IQCM: variants seen among roughly 807,000 people sequenced by gnomAD.
IQCM encodes IQ domain-containing protein M.
Under a neutral mutation model 57.6 loss-of-function variants are expected in IQCM, and 45 were observed. The ratio of observed to expected loss-of-function variants is 0.78; its 90% CI spans 0.62 to 1.00. The LOEUF (loss-of-function observed/expected upper bound fraction) is 1.00. Among genes scored for constraint, IQCM ranks in the 50% least tolerant of loss-of-function variants. The pLI is 0.00. For synonymous variants in IQCM, 148 were observed against 158.9 expected (o/e 0.93, Z 0.51); for missense variants, 468 against 511.6 (o/e 0.91, Z 0.82).
chr4:149,654,384 C>A (rs1462660990), intron 7 of IQCM, among the ~76,000 whole-genome samples: 1 of 152,044 alleles, frequency 6.6e-6, no homozygotes, highest in Non-Finnish European at 1.5e-5. Flanking sequence ...TGAGTGGGTT[C>A]TTGGTAGATG....
chr4:149,353,174 A>G (rs1728693886), intron 13 of IQCM, among the ~76,000 whole-genome samples: 1 of 152,218 alleles, frequency 6.6e-6, no homozygotes, highest in Admixed American at 6.5e-5. Flanking sequence ...GACAACAGGT[A>G]TATGAAAATG....
intron 12 of IQCM, among the ~76,000 whole-genome samples, chr4:149,447,832 A>G (rs547999188): frequency 7.1e-4 from 108 of 151,810 alleles, no homozygotes; most frequent in Non-Finnish European, 1.3e-3. Flanking sequence ...CAGATAAATC[A>G]TAATCAAACT....
intron 8 of IQCM, among the ~76,000 whole-genome samples, chr4:149,617,766 A>G (rs2150066870): frequency 6.6e-6 from 1 of 152,306 alleles, no homozygotes; most frequent in Non-Finnish European, 1.5e-5. Context: ...TAATAGCTAC[A>G]GAAAAAAAAA....
intron 12 of IQCM, among the ~76,000 whole-genome samples, chr4:149,453,380 C>T (rs990647960): frequency 2.0e-5 from 3 of 151,166 alleles, no homozygotes; most frequent in African/African-American, 7.3e-5. Flanking sequence ...AAAACAAAAA[C>T]GAAAAAGAAA....
intron 5 of IQCM, among the ~76,000 whole-genome samples, chr4:149,687,165 G>A (rs948657368): frequency 7.9e-5 from 12 of 151,488 alleles, no homozygotes; most frequent in Admixed American, 3.3e-4. Flanking sequence ...CACATGAGAC[G>A]AAACCCTCTG....
intron 12 of IQCM, among the ~76,000 whole-genome samples, chr4:149,487,401 G>C (rs1046817205): frequency 1.3e-5 from 2 of 152,182 alleles, no homozygotes; most frequent in Admixed American, 6.5e-5. Flanking sequence ...GATTGGGGGA[G>C]AGATGGTGTA....
chr4:149,553,741 TAAGG>T (rs1410325298), intron 10 of IQCM, among the ~76,000 whole-genome samples: 1 of 152,200 alleles, frequency 6.6e-6, no homozygotes, highest in Non-Finnish European at 1.5e-5. Flanking sequence ...CTGGGCTTTT[TAAGG>T]TTTTTTTGTT....
rs539383001 is a variant in IQCM at position 149,539,606 on chromosome 4, T to C, written c.1228+8849A>G. ...AGAATTGGCCAGGAGTGGTGGCTCATGCCTGTAATCCCAGTAGGCCAAGGC... is the reference window on the plus strand; with the variant it reads ...AGAATTGGCCAGGAGTGGTGGCTCACGCCTGTAATCCCAGTAGGCCAAGGC... On this transcript the variant is annotated intron_variant, in intron 12 of 13. Transcript: ENST00000636793. Among the ~76,000 whole-genome samples the C allele has an allele frequency of 2.0e-4, 30 of 152,258 alleles. No individual in the cohort carries two copies. The South Asian group carries it at 6.0e-3, about 30-fold the overall frequency.
At chr4:149,557,378 G>T in intron 10 of IQCM, among the ~76,000 whole-genome samples, 1 of 151,842 alleles carries the variant, frequency 6.6e-6, no homozygotes, top group Admixed American at 6.6e-5. Flanking sequence ...TCCAATTTTG[G>T]GTAATTATGT....
In IQCM at chr4:149,788,572, G is replaced by A. The variant is rs542606461; in HGVS notation, c.-49+26739C>T. Among the ~76,000 whole-genome samples, 55 of 152,162 alleles carry A rather than the reference G, an allele frequency of 3.6e-4. No individual in the cohort carries two copies. In the South Asian group the frequency reaches 6.7e-3, roughly 18 times the overall value. ...GAATGTAAATGAGTACAGCCACTACGGAAAACAGTATGGAGATTGCTCAAA... is the reference window on the plus strand; with the variant it reads ...GAATGTAAATGAGTACAGCCACTACAGAAAACAGTATGGAGATTGCTCAAA... On this transcript the variant is annotated intron_variant, in intron 2 of 13. Transcript: ENST00000636793.
intron 12 of IQCM, among the ~76,000 whole-genome samples, chr4:149,539,616 C>T (rs1215755702): frequency 6.6e-6 from 1 of 152,026 alleles, no homozygotes; most frequent in East Asian, 1.9e-4. Flanking sequence ...TGCCTGTAAT[C>T]CCAGTAGGCC....
At chr4:149,629,996 A>C (rs1467036637) in intron 7 of IQCM, among the ~76,000 whole-genome samples, 2 of 150,228 alleles carry the variant, frequency 1.3e-5, no homozygotes, top group African/African-American at 4.9e-5. Flanking sequence ...GGGGGTGGGC[A>C]GGGTGTGAAC....
At chr4:149,401,833 CTT>C (rs1732638575) in intron 13 of IQCM, among the ~76,000 whole-genome samples, 1 of 151,766 alleles carries the variant, frequency 6.6e-6, no homozygotes, top group Non-Finnish European at 1.5e-5. Context: ...TCCATGAAAA[CTT>C]AGCACAATTT....
intron 7 of IQCM, among the ~76,000 whole-genome samples, chr4:149,653,279 C>T (rs1307617287): frequency 2.0e-5 from 3 of 152,172 alleles, no homozygotes; most frequent in African/African-American, 7.2e-5. Flanking sequence ...CTCCATTGCA[C>T]GTTTCCTTAT....
intron 8 of IQCM, among the ~76,000 whole-genome samples, chr4:149,593,765 A>G (rs993821124): frequency 6.6e-6 from 1 of 152,056 alleles, no homozygotes. Flanking sequence ...ATGTTTATTG[A>G]CTTGCATATG....
intron 8 of IQCM, among the ~76,000 whole-genome samples, chr4:149,614,652 C>G (rs1164638047): frequency 7.7e-6 from 1 of 130,558 alleles, no homozygotes; most frequent in Non-Finnish European, 1.7e-5. Flanking sequence ...TTTGGCTTCC[C>G]TGGGCAACAT....
At chr4:149,663,722 T>C (rs958986345) in intron 7 of IQCM, among the ~76,000 whole-genome samples, 2 of 152,134 alleles carry the variant, frequency 1.3e-5, no homozygotes, top group Admixed American at 6.5e-5. Flanking sequence ...AATTTCAGTT[T>C]CTGTAACTTG....
chr4:149,422,938 AT>A (rs1274018920), intron 13 of IQCM, among the ~76,000 whole-genome samples: 35 of 151,990 alleles, frequency 2.3e-4, no homozygotes, highest in Admixed American at 2.3e-3. Context: ...AATTTTACAA[AT>A]TTTTTGCAAT....
chr4:149,548,802 A>T (rs1748720014), intron 11 of IQCM, among the ~76,000 whole-genome samples: 1 of 152,080 alleles, frequency 6.6e-6, no homozygotes, highest in Non-Finnish European at 1.5e-5. Flanking sequence ...CCCAAGATGA[A>T]TACTGGCATC....
Sources: allele counts gnomAD v4.1 joint callset (sites outside exome capture counted in the v4.1 genomes callset), GRCh38; gene constraint gnomAD v4.1.1; transcripts MANE v1.5; gene names NCBI Gene and HGNC (gene_info 2026-07-23, HGNC 2026-07-21).